The following ADGB variants were observed in gnomAD, a reference collection of about 807,000 sequenced individuals.
ADGB encodes the protein androglobin, also known as calpain-7-like protein.
A neutral mutation model predicts 210.5 loss-of-function variants in ADGB; 172 were observed. That is an observed-to-expected ratio of 0.82 (90% CI 0.72 to 0.93). The LOEUF is 0.93. ADGB is among the 40% of genes least tolerant of loss of function. The pLI, the probability that ADGB is intolerant of heterozygous loss-of-function variation, is 0.00. For missense variants in ADGB, 2,025 were observed against 1,964.8 expected (o/e 1.03, Z -0.58); for synonymous variants, 658 against 662.7 (o/e 0.99, Z 0.11).
intron 1 of ADGB, among the ~76,000 whole-genome samples, chr6:146,599,445 A>G (rs1454894126): frequency 2.0e-5 from 3 of 152,106 alleles, no homozygotes; most frequent in South Asian, 4.2e-4. Context: ...GCATATCTCA[A>G]ATACTTCTGG....
At chr6:146,684,505 A>G (rs995613942) in intron 9 of ADGB, among the ~76,000 whole-genome samples, 9 of 152,118 alleles carry the variant, frequency 5.9e-5, no homozygotes, top group African/African-American at 2.2e-4. Context: ...CAATGTGGGT[A>G]TCTCAAATGG....
rs71031009 is a variant in ADGB at position 146,781,171 on chromosome 6, CAAAAAA to C, written c.3863-832_3863-827del. 8.5e-3 allele frequency among the ~76,000 whole-genome samples: 777 copies of C among 90,964 alleles called. 5 individuals are homozygous for C. The highest frequency in any genetic ancestry group is 0.024 in the African/African-American group (608 of 25,096). The allele number at this position is 90,964 out of a possible 152,430, so 59.7% of individuals were successfully genotyped here. On this transcript the variant is annotated intron_variant, in intron 29 of 35. Coordinates refer to ENST00000397944, the MANE Select transcript of ADGB (RefSeq NM_024694.4). ...TGAAACCCCGTCTCTACTAAAAATA[CAAAAAA>C]AAAAAAAAAAAAAAAATTAGCCGGG...
In ADGB at chr6:146,769,021, A is replaced by C; in HGVS notation, c.3752A>C (p.Asn1251Thr). ...TAAACACTGCATTTTATTTCACAGA[A>C]TTACAAGTATATTATACAGTGTTCG... is the stretch of plus-strand genomic sequence containing the variant. The part of the protein sequence containing the change: ...REDSSSTPLQ[N>T]YKYIIQCSVL... The change falls in exon 29 of 36, where the codon AAT becomes ACT. Residue 1251 changes from asparagine (N) to threonine (T), a missense_variant and splice_region_variant. By Grantham distance (65) the Asn-to-Thr change is moderately conservative. Coordinates refer to ENST00000397944, the MANE Select transcript of ADGB (RefSeq NM_024694.4). 1 of 1,452,932 alleles carries C rather than the reference A, an allele frequency of 6.9e-7. No individual in the cohort carries two copies. The highest frequency in any genetic ancestry group is 9.3e-7 in the Non-Finnish European group (1 of 1,072,766). The allele number at this position is 1,452,932 out of a possible 1,614,324, so 90.0% of individuals were successfully genotyped here.
intron 9 of ADGB, among the ~76,000 whole-genome samples, chr6:146,679,639 T>C (rs1004789834): frequency 6.6e-6 from 1 of 152,204 alleles, no homozygotes; most frequent in Non-Finnish European, 1.5e-5. Flanking sequence ...GTAAAGTGGG[T>C]TCATAAACCC....
At chr6:146,705,538 A>G (rs1488061549) in intron 13 of ADGB, among the ~76,000 whole-genome samples, 1 of 152,058 alleles carries the variant, frequency 6.6e-6, no homozygotes, top group Non-Finnish European at 1.5e-5. Flanking sequence ...ACATGATTGC[A>G]TGGTTTTTAT....
chr6:146,691,736 T>A (rs1426452626), intron 11 of ADGB, among the ~76,000 whole-genome samples: 1 of 151,158 alleles, frequency 6.6e-6, no homozygotes, highest in Admixed American at 6.6e-5. Context: ...ATGTCTGACT[T>A]GACCACATAT....
rs1265008926 is a variant in ADGB, at chr6:146,800,638, A to G, written c.4538-545A>G. 2.0e-5 allele frequency among the ~76,000 whole-genome samples: 3 copies of G among 152,202 alleles called. No individual in the cohort carries two copies. In the South Asian group the frequency reaches 6.2e-4, roughly 31 times the overall value. Reference sequence around the variant, plus strand: ...TGGGCTCGATACTGTTCTATGGATTAAAAAGCTGCTGCTAATTTGATTTTC... The same window carrying G: ...TGGGCTCGATACTGTTCTATGGATTGAAAAGCTGCTGCTAATTTGATTTTC... On this transcript the variant is annotated intron_variant, in intron 33 of 35. Coordinates refer to ENST00000397944, the MANE Select transcript of ADGB (RefSeq NM_024694.4).
At chr6:146,643,679 C>A (rs2114869516) in intron 2 of ADGB, among the ~76,000 whole-genome samples, 1 of 151,890 alleles carries the variant, frequency 6.6e-6, no homozygotes, top group South Asian at 2.1e-4. Flanking sequence ...GGGCATTTAT[C>A]CCAGATAAAT....
intron 11 of ADGB, among the ~76,000 whole-genome samples, chr6:146,691,512 T>A (rs1413209584): frequency 2.1e-5 from 1 of 48,650 alleles, no homozygotes; most frequent in African/African-American, 1.6e-4. Flanking sequence ...TTTTTTTTTT[T>A]TTTTTTTTTT....
At chr6:146,698,639 G>A (rs1300092390) in intron 12 of ADGB, among the ~76,000 whole-genome samples, 1 of 152,180 alleles carries the variant, frequency 6.6e-6, no homozygotes, top group Non-Finnish European at 1.5e-5. Context: ...GTCAAGCCAT[G>A]CGGGACAGCT....
At position 146,729,386 on chromosome 6, in the gene ADGB, G is replaced by A. The variant is rs549914807; in HGVS notation, c.2520+645G>A. On this transcript the variant is annotated intron_variant, in intron 20 of 35. Transcript: ENST00000397944. ...GTATTAGTTCTTCTTTAAATGTTTTGTAAAATTCAGCAGAAAAGCCGTCAG... is the reference window on the plus strand; with the variant it reads ...GTATTAGTTCTTCTTTAAATGTTTTATAAAATTCAGCAGAAAAGCCGTCAG... 6.6e-5 allele frequency among the ~76,000 whole-genome samples: 10 copies of A among 152,238 alleles called. No homozygotes were observed. The East Asian group carries it at 1.9e-3, about 29-fold the overall frequency.
chr6:146,644,909 T>C (rs1583572285), intron 3 of ADGB, 44 bp downstream of exon 3: 1 of 1,163,766 alleles, frequency 8.6e-7, no homozygotes, highest in Non-Finnish European at 1.2e-6. Context: ...ACTATGTGGA[T>C]GTATTATCCT....
chr6:146,637,314 G>T (rs1395145764), intron 2 of ADGB, among the ~76,000 whole-genome samples: 1 of 151,976 alleles, frequency 6.6e-6, no homozygotes, highest in Non-Finnish European at 1.5e-5. Context: ...ATTGCCTAGG[G>T]CTGCTAAAGC....
chr6:146,762,011 C>G (rs1777498475), intron 27 of ADGB, among the ~76,000 whole-genome samples: 1 of 152,222 alleles, frequency 6.6e-6, no homozygotes, highest in South Asian at 2.1e-4. Flanking sequence ...ATTTTTCTGT[C>G]ACCTTTAAGG....
intron 13 of ADGB, among the ~76,000 whole-genome samples, chr6:146,707,489 T>G (rs1215978140): frequency 3.3e-5 from 5 of 152,136 alleles, no homozygotes; most frequent in African/African-American, 1.2e-4. Flanking sequence ...GATCTATTAA[T>G]ATTGCTTTAT....
rs1290165118 is a variant in ADGB at position 146,692,828 on chromosome 6, T to C, written c.1490T>C (p.Leu497Ser). 2 of 1,508,780 alleles carry C rather than the reference T, an allele frequency of 1.3e-6. No homozygotes were observed. The highest frequency in any genetic ancestry group is 1.8e-6 in the Non-Finnish European group (2 of 1,119,844). 93.5% of individuals were successfully genotyped at this position (1,508,780 alleles called of 1,614,324 possible). A position where few individuals can be genotyped will look rare whatever the true frequency, so the allele number is the denominator to read the frequency against. ...CTTTCTAACTGCTACTTTTTAGAGT[T>C]AATAGTAAAGAAGCCTGAACGGTTC... is the stretch of plus-strand genomic sequence containing the variant. ...ETVITDEAQE[L>S]IVKKPERFLE... The change falls in exon 12 of 36, where the codon TTA becomes TCA. Residue 497 changes from leucine (L) to serine (S), a missense_variant. Leu to Ser is a moderately radical substitution (Grantham distance 145). Coordinates refer to ENST00000397944, the MANE Select transcript of ADGB (RefSeq NM_024694.4).
At chr6:146,690,504 G>A (rs1776288919) in intron 10 of ADGB, among the ~76,000 whole-genome samples, 1 of 152,116 alleles carries the variant, frequency 6.6e-6, no homozygotes. Flanking sequence ...AGTAACGTAA[G>A]TTCTACTTAG....
intron 1 of ADGB, among the ~76,000 whole-genome samples, chr6:146,615,944 A>G (rs1464018498): frequency 6.6e-6 from 1 of 152,118 alleles, no homozygotes; most frequent in South Asian, 2.1e-4. Context: ...TGAGATTGCT[A>G]TATCATATGG....
chr6:146,803,701 C>G, intron 35 of ADGB: 1 of 1,145,652 alleles, frequency 8.7e-7, no homozygotes, highest in East Asian at 2.4e-5. Flanking sequence ...TGTGAGTTTC[C>G]GATGCCATAA....
Sources: gnomAD v4.1 joint callset for allele counts (sites outside exome capture counted in the v4.1 genomes callset) on GRCh38, gnomAD v4.1.1 for gene constraint, MANE v1.5 for transcripts, NCBI Gene and HGNC (gene_info 2026-07-23, HGNC 2026-07-21) for gene names.